Variants in AP2B1 observed in about 807,000 individuals in gnomAD.
The protein encoded by AP2B1 is adaptor related protein complex 2 subunit beta 1.
A neutral mutation model predicts 102.0 loss-of-function variants in AP2B1; 23 were observed. The observed-to-expected ratio is 0.23, with a 90% CI of 0.16 to 0.32. AP2B1 has a LOEUF of 0.32. AP2B1 is among the 10% of genes least tolerant of loss of function. The pLI is 1.00. For synonymous variants in AP2B1, 381 were observed against 421.2 expected (o/e 0.90, Z 1.17); for missense variants, 541 against 1,157.4 (o/e 0.47, Z 7.73).
At chr17:35,653,452 TTTTG>T (rs567809847) in intron 13 of AP2B1, among the ~76,000 whole-genome samples, 33 of 152,138 alleles carry the variant, frequency 2.2e-4, no homozygotes, top group African/African-American at 5.5e-4. Context: ...TTGGTTTTGT[TTTTG>T]TTTGTTTATT....
At chr17:35,601,707 C>T (rs1194970222) in intron 3 of AP2B1, among the ~76,000 whole-genome samples, 1 of 152,010 alleles carries the variant, frequency 6.6e-6, no homozygotes, top group African/African-American at 2.4e-5. Flanking sequence ...CACTGAAGGG[C>T]TGTTTTTGCC....
chr17:35,702,661 G>A (rs1261600504), intron 18 of AP2B1, among the ~76,000 whole-genome samples: 2 of 152,202 alleles, frequency 1.3e-5, no homozygotes, highest in African/African-American at 2.4e-5. Flanking sequence ...GTGCTGTGAA[G>A]GGAATGTATA....
intron 12 of AP2B1, among the ~76,000 whole-genome samples, chr17:35,645,504 T>A (rs1443506968): frequency 1.3e-5 from 2 of 152,204 alleles, no homozygotes; most frequent in Non-Finnish European, 2.9e-5. Flanking sequence ...TATCTTTTTC[T>A]CTTACCTGTT....
intron 21 of AP2B1, among the ~76,000 whole-genome samples, chr17:35,720,554 T>TATATATAA (rs1388868618): frequency 2.0e-5 from 1 of 49,486 alleles, no homozygotes; most frequent in African/African-American, 7.5e-5. Flanking sequence ...TTTATATATA[T>TATATATAA]ATATATATAT....
intron 20 of AP2B1, among the ~76,000 whole-genome samples, chr17:35,714,280 A>G (rs2076508184): frequency 6.6e-6 from 1 of 152,166 alleles, no homozygotes; most frequent in South Asian, 2.1e-4. Context: ...CCTAACTATC[A>G]TTTGGTTGCT....
intron 9 of AP2B1, among the ~76,000 whole-genome samples, 157 bp from the exon 10 acceptor site, chr17:35,636,184 G>C (rs1217245311): frequency 6.6e-6 from 1 of 152,106 alleles, no homozygotes; most frequent in Non-Finnish European, 1.5e-5. Flanking sequence ...GTATCATATA[G>C]CTTGGTATCT....
chr17:35,660,171 G>C (rs2075325792), intron 14 of AP2B1: 1 of 754,326 alleles, frequency 1.3e-6, no homozygotes, highest in East Asian at 1.3e-4. Context: ...TGTGGAAATG[G>C]GTTCTCACTA....
chr17:35,710,153 G>A (rs1280710242), intron 19 of AP2B1, 81 bp from the exon 20 acceptor site: 1 of 1,004,222 alleles, frequency 1.0e-6, no homozygotes, highest in Non-Finnish European at 1.6e-6. Flanking sequence ...GCATGCCAAA[G>A]GAAAAATGAT....
At chr17:35,687,504 C>G (rs1486075390) in intron 18 of AP2B1, among the ~76,000 whole-genome samples, 1 of 152,078 alleles carries the variant, frequency 6.6e-6, no homozygotes, top group Non-Finnish European at 1.5e-5. Flanking sequence ...TTTTTTCTGA[C>G]AGAACTATCT....
chr17:35,656,896 A>AC (rs1465688141), intron 13 of AP2B1, among the ~76,000 whole-genome samples: 2 of 151,766 alleles, frequency 1.3e-5, no homozygotes, highest in Non-Finnish European at 2.9e-5. Context: ...AAAAAAAAAA[A>AC]AAAATCAACT....
At chr17:35,705,803 G>A (rs1420164792) in intron 18 of AP2B1, among the ~76,000 whole-genome samples, 1 of 152,006 alleles carries the variant, frequency 6.6e-6, no homozygotes, top group Non-Finnish European at 1.5e-5. Flanking sequence ...GGTGGCTCAC[G>A]CCTGCTGGGA....
intron 18 of AP2B1, among the ~76,000 whole-genome samples, chr17:35,691,087 C>CT (rs148650718): frequency 6.0e-5 from 9 of 149,784 alleles, no homozygotes; most frequent in East Asian, 2.0e-4. Context: ...CACAATGTCT[C>CT]TTTTTTTTTT....
At chr17:35,606,539 G>A (rs568116560) in intron 4 of AP2B1, among the ~76,000 whole-genome samples, 140 of 151,968 alleles carry the variant, frequency 9.2e-4, no homozygotes, top group Middle Eastern at 3.4e-3. Context: ...CACTCCCGGC[G>A]TGATTAATTT....
intron 11 of AP2B1, among the ~76,000 whole-genome samples, chr17:35,641,455 G>A (rs906329702): frequency 1.3e-5 from 2 of 152,074 alleles, no homozygotes; most frequent in South Asian, 4.1e-4. Context: ...GCTTGCACCT[G>A]TAGTCCCAGC....
At chr17:35,594,882 A>G (rs1467117303) in intron 2 of AP2B1, among the ~76,000 whole-genome samples, 1 of 152,224 alleles carries the variant, frequency 6.6e-6, no homozygotes, top group Non-Finnish European at 1.5e-5. Flanking sequence ...GTTCCTAAAT[A>G]AAATAGATCA....
intron 2 of AP2B1, among the ~76,000 whole-genome samples, chr17:35,597,786 T>C (rs562578654): frequency 6.6e-6 from 1 of 152,232 alleles, no homozygotes; most frequent in African/African-American, 2.4e-5. Context: ...ACTTTGTCAC[T>C]GACTCTGTGA....
At chr17:35,641,997 A>C in intron 12 of AP2B1, 22 bp downstream of exon 12, 1 of 1,554,866 alleles carries the variant, frequency 6.4e-7, no homozygotes, top group Non-Finnish European at 8.9e-7. Flanking sequence ...GGAAAAAGCA[A>C]GATGTTGATT....
rs145000983 is a variant in AP2B1 at position 35,686,839 on chromosome 17, G to A, written c.2454+4015G>A. The stretch of plus-strand genomic sequence containing the variant: ...AAATTAGTCAGGCATGGTGGCAGGT[G>A]CCTGTAGTCCCAGCTAATTGGGAGG... On this transcript the variant is annotated intron_variant, in intron 18 of 21. Coordinates refer to ENST00000610402, the MANE Select transcript of AP2B1 (RefSeq NM_001030006.2). Among the ~76,000 whole-genome samples the A allele has an allele frequency of 3.1e-3, 471 of 152,248 alleles. 2 individuals carry two copies. Among genetic ancestry groups the A allele is most frequent in the African/African-American group, 0.011 (446 of 41,542 alleles).
At chr17:35,633,342 A>C (rs1486082321) in intron 9 of AP2B1, among the ~76,000 whole-genome samples, 1 of 142,582 alleles carries the variant, frequency 7.0e-6, no homozygotes, top group Non-Finnish European at 1.5e-5. Context: ...CTGGTCACAG[A>C]GCGAGACTGT....
Sources: allele counts gnomAD v4.1 joint callset (sites outside exome capture counted in the v4.1 genomes callset), GRCh38; gene constraint gnomAD v4.1.1; transcripts MANE v1.5; gene names NCBI Gene and HGNC (gene_info 2026-07-23, HGNC 2026-07-21).